The following ANKH variants were observed in gnomAD, a reference collection of about 807,000 sequenced individuals.
ANKH encodes the protein ANKH inorganic pyrophosphate transport regulator.
Under a neutral mutation model 49.0 loss-of-function variants are expected in ANKH, and 15 were observed. The ratio of observed to expected loss-of-function variants is 0.31; its 90% CI spans 0.20 to 0.47. The LOEUF (loss-of-function observed/expected upper bound fraction) is 0.47. Among genes scored for constraint, ANKH ranks in the 20% least tolerant of loss-of-function variants. The probability of loss-of-function intolerance (pLI) is 1.00; values close to 1 mark genes in which losing one functional copy is unlikely to be tolerated. For missense variants in ANKH, 429 were observed against 652.0 expected (o/e 0.66, Z 3.72); for synonymous variants, 273 against 260.0 (o/e 1.05, Z -0.48).
chr5:14,705,226 A>G lies in ANKH; in HGVS notation c.*5971T>C, dbSNP rs1039377142. 1 of 152,142 alleles carries G rather than the reference A, an allele frequency of 6.6e-6. No individual in the cohort carries two copies. The highest frequency in any genetic ancestry group is 1.5e-5 in the Non-Finnish European group (1 of 68,028). The allele number at this position is 152,142 out of a possible 1,614,324, so 9.4% of individuals were successfully genotyped here. A position where few individuals can be genotyped will look rare whatever the true frequency, so the allele number is the denominator to read the frequency against. On this transcript the variant is annotated 3_prime_UTR_variant, in exon 12 of 12. Transcript: ENST00000284268. ...GTTTTGATGTGAAACTGACAAACCT[A>G]TGGGCTGACAGCCACAGCCCATGTA...
intron 1 of ANKH, among the ~76,000 whole-genome samples, chr5:14,813,805 C>T (rs1245389154): frequency 1.3e-5 from 2 of 152,188 alleles, no homozygotes; most frequent in African/African-American, 4.8e-5. Context: ...CCACCTCCAT[C>T]TTCAGAACCC....
Position 14,708,669 on chromosome 5 carries a change from G to A in ANKH, c.*2528C>T, listed in dbSNP as rs1201431672. The A allele has an allele frequency of 6.6e-6, 1 of 152,212 alleles. No individual in the cohort carries two copies. Among genetic ancestry groups the A allele is most frequent in the Admixed American group, 6.5e-5 (1 of 15,282 alleles). 9.4% of individuals were successfully genotyped at this position (152,212 alleles called of 1,614,324 possible). ...CTTAAGCAGCCCAAGTGAAGAAAATGTACGAAGAAGGATCACGTGCTTTAA... is the reference window on the plus strand; with the variant it reads ...CTTAAGCAGCCCAAGTGAAGAAAATATACGAAGAAGGATCACGTGCTTTAA... On this transcript the variant is annotated 3_prime_UTR_variant, in exon 12 of 12. Transcript: ENST00000284268.
chr5:14,719,029 A>G (rs1476424769), intron 8 of ANKH, among the ~76,000 whole-genome samples: 1 of 152,216 alleles, frequency 6.6e-6, no homozygotes, highest in Non-Finnish European at 1.5e-5. Context: ...AAGAGGGGAC[A>G]GCGGACGTCT....
At chr5:14,793,058 A>ATAAAAATTTATATAT (rs145425597) in intron 1 of ANKH, among the ~76,000 whole-genome samples, 1 of 85,418 alleles carries the variant, frequency 1.2e-5, no homozygotes, top group Non-Finnish European at 2.2e-5. Flanking sequence ...AAATATATAT[A>ATAAAAATTTATATAT]AAATATATAT....
chr5:14,856,323 T>C lies in ANKH; in HGVS notation c.96+15029A>G, dbSNP rs529939110. On this transcript the variant is annotated intron_variant, in intron 1 of 11. Coordinates refer to ENST00000284268, the MANE Select transcript of ANKH (RefSeq NM_054027.6). Reference sequence around the variant, plus strand: ...CATGCTCAAAGTCTTTGCAATACTATCATACATACATGCACCATTTCATAC... The same window carrying C: ...CATGCTCAAAGTCTTTGCAATACTACCATACATACATGCACCATTTCATAC... Among the ~76,000 whole-genome samples, 4 of 152,254 alleles carry C rather than the reference T, an allele frequency of 2.6e-5. No homozygotes were observed. In the South Asian group the frequency reaches 8.3e-4, roughly 32 times the overall value.
chr5:14,788,955 AC>A (rs1283738855), intron 1 of ANKH, among the ~76,000 whole-genome samples: 1 of 152,146 alleles, frequency 6.6e-6, no homozygotes, highest in Non-Finnish European at 1.5e-5. Context: ...TGGGCCGGGC[AC>A]GGTGGCTCAC....
chr5:14,740,593 G>A lies in ANKH; in HGVS notation c.1011+1234C>T, dbSNP rs576229045. The stretch of plus-strand genomic sequence containing the variant: ...AGGGCAGCTGAGGACACGAGGTCAT[G>A]ACTCGGCAGTGTCAGAGGTCTTCTG... On this transcript the variant is annotated intron_variant, in intron 8 of 11. Transcript: ENST00000284268. 3.9e-5 allele frequency among the ~76,000 whole-genome samples: 6 copies of A among 152,372 alleles called. No homozygotes were observed. In the South Asian group the frequency reaches 1.2e-3, roughly 32 times the overall value.
chr5:14,720,236 A>G (rs1737617446), intron 8 of ANKH, among the ~76,000 whole-genome samples: 1 of 152,180 alleles, frequency 6.6e-6, no homozygotes, highest in South Asian at 2.1e-4. Flanking sequence ...TGGCAGAGGT[A>G]CTATCTCATT....
intron 1 of ANKH, among the ~76,000 whole-genome samples, chr5:14,785,023 G>A (rs1032475718): frequency 3.3e-5 from 5 of 152,112 alleles, no homozygotes; most frequent in Admixed American, 1.3e-4. Context: ...TGCCGCGTGC[G>A]GTGGCTTGGA....
chr5:14,712,817 T>TTC, intron 11 of ANKH, 57 bp downstream of exon 11: 1 of 1,514,822 alleles, frequency 6.6e-7, no homozygotes, highest in South Asian at 1.2e-5. Flanking sequence ...GCTGCTCAGG[T>TTC]TCTCCTGCAC....
At chr5:14,732,122 G>A (rs1738024472) in intron 8 of ANKH, among the ~76,000 whole-genome samples, 1 of 152,188 alleles carries the variant, frequency 6.6e-6, no homozygotes, top group Non-Finnish European at 1.5e-5. Flanking sequence ...TCTACTATGT[G>A]GTTGTGTCTG....
chr5:14,793,084 T>TATAAAAAA, intron 1 of ANKH, among the ~76,000 whole-genome samples: 1 of 116,566 alleles, frequency 8.6e-6, no homozygotes, highest in African/African-American at 3.8e-5. Flanking sequence ...TATAAAAATA[T>TATAAAAAA]ATATATAAAT....
At chr5:14,751,921 A>G (rs1436326747) in intron 4 of ANKH, among the ~76,000 whole-genome samples, 1 of 152,214 alleles carries the variant, frequency 6.6e-6, no homozygotes, top group African/African-American at 2.4e-5. Context: ...TGTAACACAC[A>G]TCTGAGGACT....
At chr5:14,829,419 G>A (rs925840394) in intron 1 of ANKH, among the ~76,000 whole-genome samples, 3 of 152,092 alleles carry the variant, frequency 2.0e-5, no homozygotes, top group African/African-American at 7.2e-5. Flanking sequence ...AGCTGAATGT[G>A]CTACACAGTT....
rs368865704 is a variant in ANKH at position 14,744,640 on chromosome 5, G to A, written c.915+1230C>T. Among the ~76,000 whole-genome samples, 10 of 152,350 alleles carry A rather than the reference G, an allele frequency of 6.6e-5. No individual in the cohort carries two copies. The South Asian group carries it at 1.9e-3, about 28-fold the overall frequency. ...GCAGGAGCAGAGGAGGAGGAGGGCA[G>A]ATGTGGGTGATCACTCCAGGCTTGA... On this transcript the variant is annotated intron_variant, in intron 7 of 11. Coordinates refer to ENST00000284268, the MANE Select transcript of ANKH (RefSeq NM_054027.6).
At position 14,725,840 on chromosome 5, in the gene ANKH, G is replaced by C. The variant is rs1006027982; in HGVS notation, c.1012-9005C>G. Among the ~76,000 whole-genome samples, 1 of 152,220 alleles carries C rather than the reference G, an allele frequency of 6.6e-6. No individual in the cohort carries two copies. Among genetic ancestry groups the C allele is most frequent in the South Asian group, 2.1e-4 (1 of 4,838 alleles). ...GGCTCACTGCAATCTCCGCTTCCCG[G>C]GTTCAAGAGATTCTCCCGCCTCAGC... On this transcript the variant is annotated intron_variant, in intron 8 of 11. Coordinates refer to ENST00000284268, the MANE Select transcript of ANKH (RefSeq NM_054027.6). This position sits in a 1 kb window ranked among gnomAD's most constrained non-coding sequence, Gnocchi z 4.0.
At chr5:14,774,927 A>G (rs1199926710) in intron 1 of ANKH, among the ~76,000 whole-genome samples, 1 of 152,218 alleles carries the variant, frequency 6.6e-6, no homozygotes, top group Non-Finnish European at 1.5e-5. Flanking sequence ...GAAGACAAAA[A>G]AAAAATACAT....
At chr5:14,845,918 C>T (rs1741947202) in intron 1 of ANKH, among the ~76,000 whole-genome samples, 1 of 141,444 alleles carries the variant, frequency 7.1e-6, no homozygotes, top group Non-Finnish European at 1.5e-5. Flanking sequence ...TACAATGGCG[C>T]AATCTCAGCT....
chr5:14,769,213 C>G, intron 1 of ANKH, 22 bp from the exon 2 acceptor site: 1 of 1,588,482 alleles, frequency 6.3e-7, no homozygotes, highest in Non-Finnish European at 8.6e-7. Context: ...GAAAAAAACC[C>G]ACAAGCATTA....
Sources: gnomAD v4.1 joint callset for allele counts (sites outside exome capture counted in the v4.1 genomes callset) on GRCh38, gnomAD v4.1.1 for gene constraint, Gnocchi (gnomAD v3.1) non-coding constraint, MANE v1.5 for transcripts, NCBI Gene and HGNC (gene_info 2026-07-23, HGNC 2026-07-21) for gene names.